Variants in GLG1 observed in about 807,000 individuals in gnomAD.
GLG1 encodes the protein Golgi apparatus protein 1.
GLG1 carries 38 observed loss-of-function variants against 160.5 expected under a neutral mutation model. That is an observed-to-expected ratio of 0.24 (90% confidence interval 0.18 to 0.31). GLG1 has a LOEUF of 0.31. Among genes scored for constraint, GLG1 ranks in the 10% least tolerant of loss-of-function variants. GLG1 has a pLI of 1.00. For missense variants in GLG1, 1,373 were observed against 1,505.2 expected (o/e 0.91, Z 1.45); for synonymous variants, 644 against 543.4 (o/e 1.19, Z -2.57).
At chr16:74,560,676 T>G (rs1399789196) in intron 1 of GLG1, among the ~76,000 whole-genome samples, 1 of 152,116 alleles carries the variant, frequency 6.6e-6, no homozygotes, top group Admixed American at 6.6e-5. Context: ...CTTAAGCAAC[T>G]AATTGTAAGA....
At chr16:74,521,450 G>A (rs990178508) in intron 2 of GLG1, among the ~76,000 whole-genome samples, 1 of 152,080 alleles carries the variant, frequency 6.6e-6, no homozygotes, top group African/African-American at 2.4e-5. Context: ...CAGTGAAAAT[G>A]GCCAAATTCA....
At chr16:74,564,544 A>G (rs984065236) in intron 1 of GLG1, among the ~76,000 whole-genome samples, 1 of 152,212 alleles carries the variant, frequency 6.6e-6, no homozygotes, top group African/African-American at 2.4e-5. Context: ...ACACTCAAAG[A>G]CATGCATGAT....
chr16:74,574,772 T>G (rs1265622973), intron 1 of GLG1, among the ~76,000 whole-genome samples: 2 of 148,344 alleles, frequency 1.3e-5, no homozygotes, highest in African/African-American at 5.0e-5. Context: ...TAGTCCCAGT[T>G]GCTTGAAAGG....
chr16:74,471,129 T>C, intron 15 of GLG1, 44 bp downstream of exon 15: 1 of 985,296 alleles, frequency 1.0e-6, no homozygotes, highest in South Asian at 1.3e-5. Context: ...TCAGTCAACA[T>C]CCAGGCAGCT....
Position 74,448,656 on chromosome 16 carries a change from G to A in GLG1, c.*4511C>T. 6.6e-6 allele frequency: 1 copy of A among 150,978 alleles called. No individual in the cohort carries two copies. The highest frequency in any genetic ancestry group is 2.0e-4 in the East Asian group (1 of 5,092). 9.4% of individuals were successfully genotyped at this position (150,978 alleles called of 1,614,324 possible). A position where few individuals can be genotyped will look rare whatever the true frequency, so the allele number is the denominator to read the frequency against. On this transcript the variant is annotated 3_prime_UTR_variant, in exon 26 of 26. Coordinates refer to ENST00000422840, the MANE Select transcript of GLG1 (RefSeq NM_001145667.2). Reference sequence around the variant, plus strand: ...AATCCCAACTACTTGGGAGGCTGAGGCAGGAGAACTGCTTGAACCTAGGAG... The same window carrying A: ...AATCCCAACTACTTGGGAGGCTGAGACAGGAGAACTGCTTGAACCTAGGAG...
Position 74,476,706 on chromosome 16 carries a change from T to TC in GLG1, c.1965+689dup, listed in dbSNP as rs2038209019. 2.0e-5 allele frequency among the ~76,000 whole-genome samples: 3 copies of TC among 152,286 alleles called. No individual in the cohort carries two copies. The South Asian group carries it at 6.2e-4, about 32-fold the overall frequency. ...CTGGGACACAATCCTAAGGAGCCAA[T>TC]CACAGCACTCAGGGAATTTTTGGGG... is the stretch of plus-strand genomic sequence containing the variant. On this transcript the variant is annotated intron_variant, in intron 12 of 25. Coordinates refer to ENST00000422840, the MANE Select transcript of GLG1 (RefSeq NM_001145667.2).
chr16:74,604,744 G>T (rs558351951), intron 1 of GLG1, among the ~76,000 whole-genome samples: 23 of 151,970 alleles, frequency 1.5e-4, no homozygotes, highest in East Asian at 5.8e-4. Context: ...ATTTCCTTTC[G>T]CTGTCTTTAA....
At chr16:74,482,510 A>G (rs2161731) in intron 10 of GLG1, among the ~76,000 whole-genome samples, 143,685 of 152,102 alleles carry the variant, frequency 0.94, 68,061 homozygotes, top group East Asian at 1. Flanking sequence ...CTCCTAGTTC[A>G]TCCTCCCACC....
chr16:74,508,612 A>G (rs1239602030), intron 3 of GLG1, among the ~76,000 whole-genome samples: 1 of 152,188 alleles, frequency 6.6e-6, no homozygotes, highest in Admixed American at 6.5e-5. Flanking sequence ...TTTTGAGACC[A>G]ATAGAACCTG....
chr16:74,481,978 T>C (rs901181814), intron 10 of GLG1, among the ~76,000 whole-genome samples: 2 of 152,052 alleles, frequency 1.3e-5, no homozygotes, highest in African/African-American at 4.8e-5. Flanking sequence ...TTAGTAGAGA[T>C]GGGGTTTCAC....
intron 3 of GLG1, among the ~76,000 whole-genome samples, chr16:74,508,278 G>T (rs1597284699): frequency 7.4e-6 from 1 of 134,722 alleles, no homozygotes; most frequent in African/African-American, 2.7e-5. Context: ...TCAGTATGCA[G>T]AAACTCTGGC....
At chr16:74,516,396 GAA>G (rs1469016643) in intron 2 of GLG1, among the ~76,000 whole-genome samples, 1 of 150,408 alleles carries the variant, frequency 6.6e-6, no homozygotes, top group Non-Finnish European at 1.5e-5. Context: ...TCAGGATTAA[GAA>G]ACTCACTCAA....
intron 1 of GLG1, among the ~76,000 whole-genome samples, chr16:74,569,554 G>A (rs1343094051): frequency 6.6e-6 from 1 of 151,904 alleles, no homozygotes; most frequent in Non-Finnish European, 1.5e-5. Flanking sequence ...TCTCATATTT[G>A]CACTTGTATC....
chr16:74,498,516 G>A (rs1454354821), intron 4 of GLG1, among the ~76,000 whole-genome samples: 9 of 116,422 alleles, frequency 7.7e-5, no homozygotes, highest in Non-Finnish European at 1.2e-4. Flanking sequence ...TTATACACAC[G>A]CAATTAAAAT....
chr16:74,459,180 T>C (rs185129865), intron 23 of GLG1, among the ~76,000 whole-genome samples: 1 of 152,320 alleles, frequency 6.6e-6, no homozygotes, highest in East Asian at 1.9e-4. Flanking sequence ...GAAATTCTTT[T>C]TTAAAAGGTT....
At chr16:74,460,478 A>C (rs2014746760) in intron 22 of GLG1, among the ~76,000 whole-genome samples, 1 of 152,228 alleles carries the variant, frequency 6.6e-6, no homozygotes, top group African/African-American at 2.4e-5. Context: ...TTTCAAAAGC[A>C]GATGAGTCCG....
rs2161735 is a variant in GLG1 at position 74,552,383 on chromosome 16, C to A, written c.439-20230G>T. 8.9e-5 allele frequency: 52 copies of A among 584,718 alleles called. No individual in the cohort carries two copies. In the African/African-American group the frequency reaches 9.6e-4, roughly 11 times the overall value. The allele number at this position is 584,718 out of a possible 1,614,324, so 36.2% of individuals were successfully genotyped here. A position where few individuals can be genotyped will look rare whatever the true frequency, so the allele number is the denominator to read the frequency against. On this transcript the variant is annotated intron_variant, in intron 1 of 25. Transcript: ENST00000422840. ...AGAAGACAAGAATGTGCCCAACCTTCACATCATGAAGGCCATGCAGTCTCT... is the reference window on the plus strand; with the variant it reads ...AGAAGACAAGAATGTGCCCAACCTTAACATCATGAAGGCCATGCAGTCTCT...
At chr16:74,491,256 C>A in intron 7 of GLG1, 41 bp from the exon 8 acceptor site, 2 of 1,366,360 alleles carry the variant, frequency 1.5e-6, no homozygotes, top group Non-Finnish European at 2.1e-6. Flanking sequence ...AAGGGTGATG[C>A]TATGTATTAG....
At chr16:74,473,223 CT>C (rs1207186514) in intron 13 of GLG1, among the ~76,000 whole-genome samples, 1 of 143,258 alleles carries the variant, frequency 7.0e-6, no homozygotes, top group Non-Finnish European at 1.5e-5. Flanking sequence ...TTTTTTTTTT[CT>C]TTTTATTGAG....
Sources: allele counts gnomAD v4.1 joint callset (sites outside exome capture counted in the v4.1 genomes callset), GRCh38; gene constraint gnomAD v4.1.1; transcripts MANE v1.5; gene names NCBI Gene and HGNC (gene_info 2026-07-23, HGNC 2026-07-21).